The following GRIK4 variants were observed in gnomAD, a reference collection of about 807,000 sequenced individuals.
GRIK4 encodes glutamate receptor ionotropic, kainate 4.
GRIK4 carries 40 observed loss-of-function variants against 104.9 expected under a neutral mutation model. The observed-to-expected ratio is 0.38, with a 90% confidence interval of 0.30 to 0.50. GRIK4 has a LOEUF of 0.50. GRIK4 is among the 20% of genes least tolerant of loss of function. GRIK4 has a pLI of 0.93. For synonymous variants in GRIK4, 485 were observed against 524.9 expected, an observed-to-expected ratio of 0.92 and a Z score of 1.04; for missense variants, 1,047 against 1,308.1, an observed-to-expected ratio of 0.80 and a Z score of 3.08.
At chr11:120,570,413 G>T (rs1482948689) in intron 1 of GRIK4, among the ~76,000 whole-genome samples, 4 of 152,022 alleles carry the variant, frequency 2.6e-5, no homozygotes. Flanking sequence ...TGTGTGCATT[G>T]CTATATTTTA....
At chr11:120,661,710 C>G (rs904142315) in intron 3 of GRIK4, among the ~76,000 whole-genome samples, 1 of 152,076 alleles carries the variant, frequency 6.6e-6, no homozygotes, top group Non-Finnish European at 1.5e-5. Context: ...TGAGCTGCTT[C>G]GTTTTACCTT....
intron 1 of GRIK4, among the ~76,000 whole-genome samples, chr11:120,527,561 A>G (rs1157736060): frequency 6.6e-6 from 1 of 152,192 alleles, no homozygotes; most frequent in Non-Finnish European, 1.5e-5. Flanking sequence ...ACTGCGCCCC[A>G]GACACTCGCA....
At position 120,861,960 on chromosome 11, in the gene GRIK4, A is replaced by G; in HGVS notation, c.746A>G (p.Glu249Gly). 2 of 1,612,180 alleles carry G rather than the reference A, an allele frequency of 1.2e-6. No homozygotes were observed. The highest frequency in any genetic ancestry group is 1.7e-5 in the Admixed American group (1 of 60,024). Residue 249 changes from glutamate to glycine, a missense_variant and splice_region_variant, in exon 9 of 21, where the codon GAG becomes GGG. Glu to Gly is a moderately conservative substitution (Grantham distance 98). Coordinates refer to ENST00000527524, the MANE Select transcript of GRIK4 (RefSeq NM_014619.5). The part of the protein sequence containing the change: ...AYYTYIFTNL[E>G]FSLQRMDSLV... ...ATTTCTGATGCTGGGTCTTTCCAGG[A>G]GTTCTCACTCCAGAGAATGGACAGC... is the stretch of plus-strand genomic sequence containing the variant.
intron 1 of GRIK4, among the ~76,000 whole-genome samples, chr11:120,650,581 G>T (rs1949603956): frequency 6.6e-6 from 1 of 152,102 alleles, no homozygotes; most frequent in African/African-American, 2.4e-5. Flanking sequence ...GAACCATCCT[G>T]TTCTTTTCCT....
chr11:120,651,057 T>C (rs10892591), intron 1 of GRIK4, among the ~76,000 whole-genome samples: 85,196 of 151,890 alleles, frequency 0.56, 24,979 homozygotes, highest in East Asian at 0.71. Context: ...AGGGAAAGCT[T>C]TGGGAATGGG....
chr11:120,819,990 C>G lies in GRIK4; in HGVS notation c.511+70C>G, dbSNP rs1281274303. 5 of 1,490,980 alleles carry G rather than the reference C, an allele frequency of 3.4e-6. No homozygotes were observed. The highest frequency in any genetic ancestry group is 4.6e-6 in the Non-Finnish European group (5 of 1,080,202). 92.4% of individuals were successfully genotyped at this position (1,490,980 alleles called of 1,614,324 possible). ...TTGATTTTGCCCTGATTCCCTGTGC[C>G]CCTGGCTGGAGACCCTCCAGGAAGG... On this transcript the variant is annotated intron_variant, in intron 6 of 20. Coordinates refer to ENST00000527524, the MANE Select transcript of GRIK4 (RefSeq NM_014619.5). This position sits in a 1 kb window ranked among gnomAD's most constrained non-coding sequence, Gnocchi z 4.3.
intron 1 of GRIK4, among the ~76,000 whole-genome samples, chr11:120,521,726 GC>G (rs1418090411): frequency 6.6e-6 from 1 of 152,156 alleles, no homozygotes; most frequent in African/African-American, 2.4e-5. Context: ...TAATGAGAAC[GC>G]CTGTTGTATT....
At position 120,650,669 on chromosome 11, in the gene GRIK4, T is replaced by C. The variant is rs185411943; in HGVS notation, c.-158-3016T>C. 6.6e-5 allele frequency among the ~76,000 whole-genome samples: 10 copies of C among 152,350 alleles called. No homozygotes were observed. The East Asian group carries it at 1.9e-3, about 29-fold the overall frequency. On this transcript the variant is annotated intron_variant, in intron 1 of 20. Coordinates refer to ENST00000527524, the MANE Select transcript of GRIK4 (RefSeq NM_014619.5). ...TTAATGTCCCAGACTGTAAGCTCTA[T>C]GAAGGCAGGGACTGTATATATCCCA... is the stretch of plus-strand genomic sequence containing the variant.
In GRIK4 at chr11:120,513,142, G is replaced by C. The variant is rs1228070516; in HGVS notation, c.-159+1255G>C. Among the ~76,000 whole-genome samples, 1 of 152,190 alleles carries C rather than the reference G, an allele frequency of 6.6e-6. No individual in the cohort carries two copies. The highest frequency in any genetic ancestry group is 1.5e-5 in the Non-Finnish European group (1 of 68,034). On this transcript the variant is annotated intron_variant, in intron 1 of 20. Transcript: ENST00000527524. The surrounding 1 kb of genome is among the most constrained non-coding windows in gnomAD (Gnocchi z 4.5). ...GGAGGGGAGCTCTGAGCACAGCTGGGCCCTTTTGCCAGGCAGTGGGCAGCT... is the reference window on the plus strand; with the variant it reads ...GGAGGGGAGCTCTGAGCACAGCTGGCCCCTTTTGCCAGGCAGTGGGCAGCT...
intron 12 of GRIK4, among the ~76,000 whole-genome samples, chr11:120,904,040 T>C (rs59711149): frequency 0.045 from 6,833 of 152,278 alleles, 180 homozygotes; most frequent in African/African-American, 0.056. Context: ...CTTCTGTGAT[T>C]GCCCTTCATT....
At chr11:120,635,020 G>A (rs1949380601) in intron 1 of GRIK4, among the ~76,000 whole-genome samples, 1 of 152,194 alleles carries the variant, frequency 6.6e-6, no homozygotes, top group African/African-American at 2.4e-5. Context: ...AGGACCTTGA[G>A]CAGCTATGGG....
chr11:120,832,859 G>A (rs1436308834), intron 7 of GRIK4, among the ~76,000 whole-genome samples: 1 of 152,190 alleles, frequency 6.6e-6, no homozygotes, highest in East Asian at 1.9e-4. Context: ...CAGTTCCTGG[G>A]CTGGTGGCTG....
chr11:120,667,923 C>G (rs749176653), intron 3 of GRIK4, among the ~76,000 whole-genome samples: 2 of 152,312 alleles, frequency 1.3e-5, no homozygotes, highest in African/African-American at 4.8e-5. Flanking sequence ...CTCTATCTAT[C>G]TGAGTATGAC....
chr11:120,802,875 G>T lies in GRIK4; in HGVS notation c.247+18G>T. On this transcript the variant is annotated intron_variant, in intron 4 of 20. Coordinates refer to ENST00000527524, the MANE Select transcript of GRIK4 (RefSeq NM_014619.5). The stretch of plus-strand genomic sequence containing the variant: ...AGAAACCAGTACGTAGACTGGGCAG[G>T]GCTGCCTCTTCCCTTGCTGGCAGAG... The T allele has an allele frequency of 1.2e-6, 2 of 1,610,756 alleles. No individual in the cohort carries two copies. The highest frequency in any genetic ancestry group is 1.7e-6 in the Non-Finnish European group (2 of 1,177,122).
At chr11:120,741,840 C>T (rs1488488497) in intron 3 of GRIK4, among the ~76,000 whole-genome samples, 1 of 152,174 alleles carries the variant, frequency 6.6e-6, no homozygotes, top group East Asian at 1.9e-4. Flanking sequence ...TTCCGACCAG[C>T]AAAGCCCAGT....
At chr11:120,759,304 T>C (rs968287594) in intron 3 of GRIK4, among the ~76,000 whole-genome samples, 6 of 152,328 alleles carry the variant, frequency 3.9e-5, no homozygotes, top group Admixed American at 2.0e-4. Flanking sequence ...TGAATTGGCT[T>C]CCACAGTAGG....
chr11:120,778,096 C>G (rs1952078699), intron 3 of GRIK4, among the ~76,000 whole-genome samples: 1 of 152,194 alleles, frequency 6.6e-6, no homozygotes, highest in Admixed American at 6.5e-5. Flanking sequence ...GGGAGGATAT[C>G]TGGGAACAAC....
intron 1 of GRIK4, among the ~76,000 whole-genome samples, chr11:120,563,622 T>C (rs1307437525): frequency 6.6e-6 from 1 of 152,074 alleles, no homozygotes; most frequent in African/African-American, 2.4e-5. Context: ...GATGGGTGCT[T>C]TGCTCACGGT....
intron 3 of GRIK4, among the ~76,000 whole-genome samples, chr11:120,780,317 A>G (rs1952127949): frequency 6.6e-6 from 1 of 152,126 alleles, no homozygotes. Context: ...TTAAACAATA[A>G]CTCTCCATTC....
Sources: gnomAD v4.1 joint callset for allele counts (sites outside exome capture counted in the v4.1 genomes callset) on GRCh38, gnomAD v4.1.1 for gene constraint, Gnocchi (gnomAD v3.1) non-coding constraint, MANE v1.5 for transcripts, NCBI Gene and HGNC (gene_info 2026-07-23, HGNC 2026-07-21) for gene names.